Variants in FN1 observed in about 807,000 individuals in gnomAD.
FN1 encodes the protein fibronectin.
FN1 carries 106 observed loss-of-function variants against 297.3 expected under a neutral mutation model. That is an observed-to-expected ratio of 0.36 (90% confidence interval 0.30 to 0.42). FN1 has a LOEUF of 0.42. Among genes scored for constraint, FN1 ranks in the 10% least tolerant of loss-of-function variants. FN1 has a pLI of 1.00. For missense variants in FN1, 2,690 were observed against 3,124.9 expected (o/e 0.86, Z 3.32); for synonymous variants, 1,149 against 1,152.6 (o/e 1.00, Z 0.06).
chr2:215,417,070 G>A (rs1051500291), intron 12 of FN1, among the ~76,000 whole-genome samples: 7 of 152,122 alleles, frequency 4.6e-5, no homozygotes, highest in South Asian at 2.1e-4. Flanking sequence ...CTTATACTAC[G>A]TATAATTACT....
intron 23 of FN1, among the ~76,000 whole-genome samples, chr2:215,396,930 G>T (rs867922156): frequency 7.9e-5 from 12 of 152,212 alleles, no homozygotes; most frequent in Admixed American, 6.5e-5. Flanking sequence ...GTGTAAGGTT[G>T]TTCTGCTTCC....
At position 215,384,923 on chromosome 2, in the gene FN1, G is replaced by A. The variant is rs1350997027; in HGVS notation, c.4666C>T (p.Leu1556=). Residue 1556 remains leucine (L), a synonymous_variant, in exon 29 of 46, where the codon CTG becomes TTG. Transcript: ENST00000354785. ...EVVAATPTSL[L]ISWDAPAVTV... is the part of the protein sequence containing the mutation. Reference sequence around the variant, plus strand: ...ACAGCAGGAGCATCCCAGCTGATCAGTAGGCTGGTGGGGGTCGCAGCAACA... The same window carrying A: ...ACAGCAGGAGCATCCCAGCTGATCAATAGGCTGGTGGGGGTCGCAGCAACA... 4.3e-6 allele frequency: 7 copies of A among 1,614,010 alleles called. No individual in the cohort carries two copies. Among genetic ancestry groups the A allele is most frequent in the Non-Finnish European group, 5.1e-6 (6 of 1,179,942 alleles).
At chr2:215,428,370 A>G in intron 5 of FN1, 32 bp from the exon 6 acceptor site, 1 of 1,608,364 alleles carries the variant, frequency 6.2e-7, no homozygotes, top group Non-Finnish European at 8.5e-7. Flanking sequence ...TACATACATC[A>G]GGTCGAGAGT....
At position 215,376,517 on chromosome 2, in the gene FN1, G is replaced by A. The variant is rs1189836882; in HGVS notation, c.5868C>T (p.Val1956=). 2 of 1,614,032 alleles carry A rather than the reference G, an allele frequency of 1.2e-6. No individual in the cohort carries two copies. Among genetic ancestry groups the A allele is most frequent in the South Asian group, 1.1e-5 (1 of 91,064 alleles). Reference sequence around the variant, plus strand: ...CCTGACCTGTGATGGTGTAGCTTCTGACATCTGGCTTGATGGTTCTCTGGA... The same window carrying A: ...CCTGACCTGTGATGGTGTAGCTTCTAACATCTGGCTTGATGGTTCTCTGGA... ...TPIQRTIKPD[V]RSYTITGLQP... The change falls in exon 36 of 46, where the codon GTC becomes GTT. Residue 1956 remains valine (V), a synonymous_variant. Transcript: ENST00000354785.
intron 19 of FN1, among the ~76,000 whole-genome samples, chr2:215,405,746 A>T (rs1361922974): frequency 6.6e-6 from 1 of 152,132 alleles, no homozygotes; most frequent in Non-Finnish European, 1.5e-5. Context: ...CCATCTCAAA[A>T]AAATAAATAA....
At chr2:215,375,138 C>T (rs74678025) in intron 38 of FN1, 76 bp downstream of exon 38, 11 of 1,366,744 alleles carry the variant, frequency 8.0e-6, no homozygotes, top group East Asian at 4.6e-5. Flanking sequence ...GTATCAAAGA[C>T]GCTGTGGGAG....
rs755605871 is a variant in FN1, at chr2:215,386,778, T to C, written c.4523A>G (p.Asn1508Ser). 8.1e-6 allele frequency: 13 copies of C among 1,613,528 alleles called. No homozygotes were observed. The highest frequency in any genetic ancestry group is 4.5e-5 in the East Asian group (2 of 44,824). ...PHSRNSITLT[N>S]LTPGTEYVVS... ...CACATACTCTGTGCCTGGAGTGAGG[T>C]TGGTGAGGGTGATGGAATTCCGAGA... Residue 1508 changes from asparagine (N) to serine (S), a missense_variant, in exon 28 of 46, where the codon AAC becomes AGC. Physicochemically the swap from Asn to Ser is conservative, Grantham distance 46. This residue lies in a region of FN1 where 1,743 missense variants were observed against 1,945.2 expected (regional missense o/e 0.90). Transcript: ENST00000354785.
At position 215,422,074 on chromosome 2, in the gene FN1, T is replaced by C; in HGVS notation, c.1546+17A>G. The C allele has an allele frequency of 6.2e-7, 1 of 1,613,916 alleles. No individual in the cohort carries two copies. Among genetic ancestry groups the C allele is most frequent in the Non-Finnish European group, 8.5e-7 (1 of 1,179,788 alleles). On this transcript the variant is annotated intron_variant, in intron 10 of 45. Coordinates refer to ENST00000354785, the MANE Select transcript of FN1 (RefSeq NM_212482.4). ...CCTTTTGCCATCTCAAATATTTTTGTTAATCAGCCAGCATACCTCGAAGCT... is the reference window on the plus strand; with the variant it reads ...CCTTTTGCCATCTCAAATATTTTTGCTAATCAGCCAGCATACCTCGAAGCT...
intron 33 of FN1, chr2:215,379,727 T>C (rs1439230698): frequency 4.1e-6 from 1 of 244,392 alleles, no homozygotes; most frequent in East Asian, 1.2e-4. Context: ...ACGGTCTCTC[T>C]GTGTCATCCA....
In FN1 at chr2:215,393,028, T is replaced by G. The variant is rs1559439747; in HGVS notation, c.3972A>C (p.Thr1324=). 1 of 1,614,068 alleles carries G rather than the reference T, an allele frequency of 6.2e-7. No individual in the cohort carries two copies. The highest frequency in any genetic ancestry group is 8.5e-7 in the Non-Finnish European group (1 of 1,180,014). The part of the protein sequence containing the change: ...DFVDSSVGYY[T]VTGLEPGIDY... Reference sequence around the variant, plus strand: ...CAATGCCCGGCTCCAGCCCTGTGACTGTGTAGTATCCTACTGAGGAGTCCA... The same window carrying G: ...CAATGCCCGGCTCCAGCCCTGTGACGGTGTAGTATCCTACTGAGGAGTCCA... Residue 1324 remains threonine, a synonymous_variant, in exon 25 of 46, where the codon ACA becomes ACC. Coordinates refer to ENST00000354785, the MANE Select transcript of FN1 (RefSeq NM_212482.4).
chr2:215,361,268 T>C lies in FN1; in HGVS notation c.*287A>G, dbSNP rs2053395356. 3 of 380,652 alleles carry C rather than the reference T, an allele frequency of 7.9e-6. No homozygotes were observed. In the South Asian group the frequency reaches 9.4e-5, roughly 12 times the overall value. 23.6% of individuals were successfully genotyped at this position (380,652 alleles called of 1,614,324 possible). ...TGGTTGGCTGCATATGCTTTCCTAT[T>C]GATCCCAAACCAAATCTTAGAATCA... On this transcript the variant is annotated 3_prime_UTR_variant, in exon 46 of 46. Transcript: ENST00000354785.
intron 13 of FN1, 26 bp from the exon 14 acceptor site, chr2:215,410,140 C>CACAT: frequency 6.4e-7 from 1 of 1,557,328 alleles, no homozygotes; most frequent in Non-Finnish European, 8.7e-7. Flanking sequence ...AACACACACA[C>CACAT]ACACACACAC....
intron 9 of FN1, 62 bp from the exon 10 acceptor site, chr2:215,422,305 G>C: frequency 6.8e-7 from 1 of 1,480,970 alleles, no homozygotes; most frequent in Admixed American, 1.7e-5. Flanking sequence ...ACATGTATGT[G>C]TGCAAAAGGA....
At chr2:215,374,645 A>T (rs191109062) in intron 38 of FN1, among the ~76,000 whole-genome samples, 148 of 152,350 alleles carry the variant, frequency 9.7e-4, no homozygotes, top group Middle Eastern at 3.4e-3. Flanking sequence ...TAGCAGTATG[A>T]AAACAGACTA....
chr2:215,370,763 T>C (rs1460577579), intron 40 of FN1, among the ~76,000 whole-genome samples: 1 of 152,128 alleles, frequency 6.6e-6, no homozygotes, highest in African/African-American at 2.4e-5. Flanking sequence ...CTGGAAGCCC[T>C]GGCCATGTTT....
At chr2:215,361,682 G>A in intron 45 of FN1, 56 bp from the exon 46 acceptor site, 9 of 1,321,580 alleles carry the variant, frequency 6.8e-6, no homozygotes, top group South Asian at 1.2e-5. Context: ...AAAGTGTACA[G>A]AAAAAAAAAT....
intron 2 of FN1, 28 bp downstream of exon 2, chr2:215,434,668 A>G: frequency 1.2e-6 from 2 of 1,613,920 alleles, no homozygotes; most frequent in Non-Finnish European, 1.7e-6. Flanking sequence ...ATTAAAAGAT[A>G]CTAACTATGG....
chr2:215,386,600 C>A, intron 28 of FN1, 89 bp downstream of exon 28: 7 of 440,238 alleles, frequency 1.6e-5, no homozygotes, highest in East Asian at 5.4e-5. Context: ...TTTTTGAGAG[C>A]TGATGACAGA....
intron 20 of FN1, among the ~76,000 whole-genome samples, chr2:215,404,079 G>A (rs143780691): frequency 6.6e-6 from 1 of 152,334 alleles, no homozygotes; most frequent in East Asian, 1.9e-4. Context: ...GAAAGAGCGA[G>A]CTTGGCAATG....
Sources: allele counts gnomAD v4.1 joint callset (sites outside exome capture counted in the v4.1 genomes callset), GRCh38; gene constraint gnomAD v4.1.1; regional missense constraint gnomAD v4.1.1; transcripts MANE v1.5; gene names NCBI Gene and HGNC (gene_info 2026-07-23, HGNC 2026-07-21).